The following OXNAD1 variants were observed in gnomAD, a reference collection of about 807,000 sequenced individuals.
OXNAD1 encodes oxidoreductase NAD-binding domain-containing protein 1.
OXNAD1 carries 34 observed loss-of-function variants against 32.9 expected under a neutral mutation model. The ratio of observed to expected loss-of-function variants is 1.03; its 90% CI spans 0.79 to 1.38. The LOEUF (loss-of-function observed/expected upper bound fraction) is 1.38, where lower values mean the gene tolerates loss of function less well. Among genes scored for constraint, OXNAD1 ranks in the 40% most tolerant of loss-of-function variants. OXNAD1 has a pLI of 0.00. For missense variants in OXNAD1, 407 were observed against 379.4 expected (o/e 1.07, Z -0.60); for synonymous variants, 134 against 135.2 (o/e 0.99, Z 0.06).
In OXNAD1 at chr3:16,286,376, G is replaced by A; in HGVS notation, c.218G>A (p.Ser73Asn). 1 of 1,613,974 alleles carries A rather than the reference G, an allele frequency of 6.2e-7. No individual in the cohort carries two copies. The highest frequency in any genetic ancestry group is 8.5e-7 in the Non-Finnish European group (1 of 1,179,854). The part of the protein sequence containing the change: ...VSAAKVCGAA[S>N]ESPSVKSLRL... ...GCAGCTAAGGTGTGTGGAGCTGCCA[G>A]TGAGTCACCGTCAGTGAAGAGCCTC... The change falls in exon 5 of 9, where the codon AGT (serine) becomes AAT (asparagine). Residue 73 changes from serine (S) to asparagine (N), a missense_variant. Ser to Asn is a conservative substitution (Grantham distance 46, BLOSUM62 1). Coordinates refer to ENST00000285083, the MANE Select transcript of OXNAD1 (RefSeq NM_138381.5).
rs1302796518 is a variant in OXNAD1, at chr3:16,297,847, C to A, written c.432+2850C>A. On this transcript the variant is annotated intron_variant, in intron 6 of 8. Transcript: ENST00000285083. The surrounding 1 kb of genome is among the most constrained non-coding windows in gnomAD (Gnocchi z 4.3). The stretch of plus-strand genomic sequence containing the variant: ...ATTACTGTAAAGGTAGGATCGATAG[C>A]ACAGGGGAATATTTTCAGGGGGTGA... 6.6e-6 allele frequency among the ~76,000 whole-genome samples: 1 copy of A among 152,030 alleles called. No homozygotes were observed. Among genetic ancestry groups the A allele is most frequent in the East Asian group, 1.9e-4 (1 of 5,188 alleles).
rs2125052655 is a variant in OXNAD1 at position 16,289,892 on chromosome 3, T to G, written c.290+3444T>G. Among the ~76,000 whole-genome samples the G allele has an allele frequency of 6.6e-6, 1 of 152,338 alleles. No homozygotes were observed. The highest frequency in any genetic ancestry group is 2.1e-4 in the South Asian group (1 of 4,830). On this transcript the variant is annotated intron_variant, in intron 5 of 8. Transcript: ENST00000285083. This position sits in a 1 kb window ranked among gnomAD's most constrained non-coding sequence, Gnocchi z 4.9. ...TATGTATTTGTTAATTTTCCTCCTC[T>G]TAGAGTGGGTTCATTGAGGGCAGCA...
intron 2 of OXNAD1, 38 bp downstream of exon 2, chr3:16,269,313 C>T (rs536663534): frequency 1.3e-6 from 2 of 1,525,830 alleles, no homozygotes; most frequent in Admixed American, 2.0e-5. Flanking sequence ...ATTAAGGTAA[C>T]ATTATTGACT....
chr3:16,319,667 T>C (rs2068823964), intron 9 of OXNAD1, among the ~76,000 whole-genome samples: 1 of 152,200 alleles, frequency 6.6e-6, no homozygotes, highest in African/African-American at 2.4e-5. Flanking sequence ...ACATCCAGTT[T>C]CCTGTAGAAG....
Position 16,344,880 on chromosome 3 carries a change from A to G in OXNAD1, c.*31-4296A>G, listed in dbSNP as rs1215816119. 6.6e-6 allele frequency among the ~76,000 whole-genome samples: 1 copy of G among 152,206 alleles called. No homozygotes were observed. Among genetic ancestry groups the G allele is most frequent in the African/African-American group, 2.4e-5 (1 of 41,460 alleles). Reference sequence around the variant, plus strand: ...ACACATAACTACAAGAACACCCCCCAACCTTTTATGCTCACTGATTTAATA... The same window carrying G: ...ACACATAACTACAAGAACACCCCCCGACCTTTTATGCTCACTGATTTAATA... On this transcript the variant is annotated intron_variant, in intron 9 of 9. Transcript: ENST00000606098. The surrounding 1 kb of genome is among the most constrained non-coding windows in gnomAD (Gnocchi z 4.4).
chr3:16,345,818 GCGCGCGCGCGTGCGCGCA>G lies in OXNAD1; in HGVS notation c.*31-3352_*31-3335del, dbSNP rs750392718. Among the ~76,000 whole-genome samples the G allele has an allele frequency of 0.034, 2,126 of 61,634 alleles. 23 individuals are homozygous for G. The highest frequency in any genetic ancestry group is 0.078 in the South Asian group (125 of 1,612). 40.4% of individuals were successfully genotyped at this position (61,634 alleles called of 152,430 possible). On this transcript the variant is annotated intron_variant, in intron 9 of 9. Coordinates refer to the OXNAD1 transcript ENST00000606098. This position sits in a 1 kb window ranked among gnomAD's most constrained non-coding sequence, Gnocchi z 5.2. ...TGTGTGTGTGTGTGTGTGTGTGTGT[GCGCGCGCGCGTGCGCGCA>G]CGCGCACATGTGCATGTGTATGTGT...
rs958815698 is a variant in OXNAD1 at position 16,348,924 on chromosome 3, C to A, written c.*31-252C>A. On this transcript the variant is annotated intron_variant, in intron 9 of 9. Transcript: ENST00000606098. The surrounding 1 kb of genome is among the most constrained non-coding windows in gnomAD (Gnocchi z 6.3). ...AGAACACCCGAGCAAGTGGCTGCTG[C>A]CAAGGAGGAGGCAGAGGGAAAATTC... is the stretch of plus-strand genomic sequence containing the variant. Among the ~76,000 whole-genome samples the A allele has an allele frequency of 6.6e-6, 1 of 152,148 alleles. No individual in the cohort carries two copies. The highest frequency in any genetic ancestry group is 1.5e-5 in the Non-Finnish European group (1 of 68,028).
At chr3:16,306,995 T>C (rs1364901095), downstream of OXNAD1, among the ~76,000 whole-genome samples, 6 of 152,216 alleles carry the variant, frequency 3.9e-5, no homozygotes, top group African/African-American at 1.4e-4. Flanking sequence ...AAGGATTAAT[T>C]ATCCATTTCT....
rs1350539283 is a variant in OXNAD1 at position 16,329,895 on chromosome 3, G to A, written c.*31-7217G>A. 6.6e-6 allele frequency among the ~76,000 whole-genome samples: 1 copy of A among 152,136 alleles called. No individual in the cohort carries two copies. Among genetic ancestry groups the A allele is most frequent in the African/African-American group, 2.4e-5 (1 of 41,418 alleles). ...TATTGGTGGCTGCATCTCGGGCCAGGTTTTCTCTGCGGGCACCCAGAGCTG... is the reference window on the plus strand; with the variant it reads ...TATTGGTGGCTGCATCTCGGGCCAGATTTTCTCTGCGGGCACCCAGAGCTG... On this transcript the variant is annotated intron_variant, in intron 9 of 9. Coordinates refer to the OXNAD1 transcript ENST00000435829. The surrounding 1 kb of genome is among the most constrained non-coding windows in gnomAD (Gnocchi z 4.5).
rs890869447 is a variant in OXNAD1, at chr3:16,334,647, C to T, written c.*31-2465C>T. Among the ~76,000 whole-genome samples the T allele has an allele frequency of 1.3e-5, 2 of 152,052 alleles. No individual in the cohort carries two copies. Among genetic ancestry groups the T allele is most frequent in the East Asian group, 3.9e-4 (2 of 5,184 alleles). On this transcript the variant is annotated intron_variant, in intron 9 of 9. Coordinates refer to the OXNAD1 transcript ENST00000435829. This position sits in a 1 kb window ranked among gnomAD's most constrained non-coding sequence, Gnocchi z 4.3. ...AGGGAATGAATTCTATTCTAGACAC[C>T]CTGAGTTTGAGGAACCTATGGAAAT... is the stretch of plus-strand genomic sequence containing the variant.
At chr3:16,295,093 C>G (rs551513500) in intron 6 of OXNAD1, 96 bp downstream of exon 6, 2 of 1,399,384 alleles carry the variant, frequency 1.4e-6, no homozygotes, top group African/African-American at 1.5e-5. Context: ...GAAACCTGGG[C>G]TTGAGTAAAA....
At chr3:16,296,283 A>G (rs965829358) in intron 6 of OXNAD1, among the ~76,000 whole-genome samples, 3 of 152,220 alleles carry the variant, frequency 2.0e-5, no homozygotes, top group Admixed American at 2.0e-4. Context: ...ATAGTCCAAA[A>G]AAAAGCACAG....
chr3:16,311,212 C>CA (rs34164107), intron 9 of OXNAD1, among the ~76,000 whole-genome samples: 151,189 of 151,190 alleles, frequency 1, 75,594 homozygotes, highest in Middle Eastern at 1. Flanking sequence ...ATATTTTTTT[C>CA]AAACGGAGTC....
intron 4 of OXNAD1, among the ~76,000 whole-genome samples, chr3:16,283,790 C>T (rs1182446355): frequency 6.6e-6 from 1 of 152,122 alleles, no homozygotes; most frequent in African/African-American, 2.4e-5. Flanking sequence ...AAGACTAGGT[C>T]AGTGATAACA....
intron 9 of OXNAD1, among the ~76,000 whole-genome samples, chr3:16,319,014 C>T (rs1340651089): frequency 1.3e-5 from 2 of 152,200 alleles, no homozygotes; most frequent in Non-Finnish European, 1.5e-5. Context: ...TCAGCATGAC[C>T]GTGGCTGCCT....
chr3:16,341,021 G>A (rs1445126865), downstream of OXNAD1, among the ~76,000 whole-genome samples: 1 of 152,186 alleles, frequency 6.6e-6, no homozygotes, highest in Non-Finnish European at 1.5e-5. This position sits in a 1 kb window ranked among gnomAD's most constrained non-coding sequence, Gnocchi z 4.7. Context: ...CCTCACCAAA[G>A]AAGATATGCA....
downstream of OXNAD1, among the ~76,000 whole-genome samples, chr3:16,351,613 G>A (rs956283370): frequency 6.6e-6 from 1 of 152,142 alleles, no homozygotes; most frequent in Non-Finnish European, 1.5e-5. This position sits in a 1 kb window ranked among gnomAD's most constrained non-coding sequence, Gnocchi z 5.4. Flanking sequence ...AGTCCTCGCA[G>A]GTAGCAGCTG....
At position 16,321,512 on chromosome 3, in the gene OXNAD1, G is replaced by A. The variant is rs370553743; in HGVS notation, c.*31-15600G>A. On this transcript the variant is annotated intron_variant, in intron 9 of 9. Transcript: ENST00000435829. The surrounding 1 kb of genome is among the most constrained non-coding windows in gnomAD (Gnocchi z 4.8). ...GGACACAGGCCTGTGGGAGTAGGAC[G>A]CTGACCCTTGTCAGCTGAGGAGTGA... is the stretch of plus-strand genomic sequence containing the variant. Among the ~76,000 whole-genome samples, 4 of 152,252 alleles carry A rather than the reference G, an allele frequency of 2.6e-5. No homozygotes were observed. The highest frequency in any genetic ancestry group is 3.9e-4 in the East Asian group (2 of 5,178).
intron 9 of OXNAD1, among the ~76,000 whole-genome samples, chr3:16,311,680 C>T (rs552003795): frequency 7.0e-4 from 107 of 152,268 alleles, no homozygotes; most frequent in African/African-American, 2.3e-3. Context: ...AAATCTATCC[C>T]CTTCTTTGCT....
Sources: gnomAD v4.1 joint callset for allele counts (sites outside exome capture counted in the v4.1 genomes callset) on GRCh38, gnomAD v4.1.1 for gene constraint, Gnocchi (gnomAD v3.1) non-coding constraint, MANE v1.5 for transcripts, NCBI Gene and HGNC (gene_info 2026-07-23, HGNC 2026-07-21) for gene names.